The following CAMK1D variants were observed in gnomAD, a reference collection of about 807,000 sequenced individuals.
CAMK1D encodes the protein calcium/calmodulin dependent protein kinase ID, also known as calcium/calmodulin-dependent protein kinase type 1D.
In CAMK1D, 9 loss-of-function variants were observed where a neutral mutation model predicts 47.7. The observed-to-expected ratio is 0.19, with a 90% CI of 0.11 to 0.33. The LOEUF is 0.33. CAMK1D is among the 10% of genes least tolerant of loss of function. The probability of loss-of-function intolerance (pLI) is 1.00; values close to 1 mark genes in which losing one functional copy is unlikely to be tolerated. For synonymous variants in CAMK1D, 184 were observed against 184.9 expected (o/e 0.99, Z 0.04); for missense variants, 291 against 488.7 (o/e 0.60, Z 3.81).
At chr10:12,440,247 C>G (rs1487896290) in intron 1 of CAMK1D, among the ~76,000 whole-genome samples, 1 of 150,814 alleles carries the variant, frequency 6.6e-6, no homozygotes, top group East Asian at 1.9e-4. Context: ...AACAGTAGGT[C>G]TTTTTCCTGC....
intron 3 of CAMK1D, among the ~76,000 whole-genome samples, chr10:12,697,934 G>A (rs1010624171): frequency 3.3e-5 from 5 of 152,102 alleles, no homozygotes; most frequent in African/African-American, 1.2e-4. Context: ...AATGGCTCTT[G>A]TAATTTTCAG....
At chr10:12,812,592 G>T (rs1832650182) in intron 6 of CAMK1D, among the ~76,000 whole-genome samples, 1 of 152,120 alleles carries the variant, frequency 6.6e-6, no homozygotes, top group South Asian at 2.1e-4. Flanking sequence ...CTCCAGCCTG[G>T]GTGACAGAGG....
At chr10:12,719,075 A>G (rs190235497) in intron 3 of CAMK1D, among the ~76,000 whole-genome samples, 3 of 152,278 alleles carry the variant, frequency 2.0e-5, no homozygotes, top group Admixed American at 2.0e-4. Flanking sequence ...CAATTACACG[A>G]TTTTTGACCG....
At chr10:12,512,179 A>G (rs1009565571) in intron 1 of CAMK1D, among the ~76,000 whole-genome samples, 7 of 152,214 alleles carry the variant, frequency 4.6e-5, no homozygotes, top group African/African-American at 7.2e-5. Flanking sequence ...GAGAGCACAA[A>G]TAAGTATCAA....
intron 1 of CAMK1D, among the ~76,000 whole-genome samples, chr10:12,535,148 G>C (rs909431537): frequency 6.6e-6 from 1 of 152,144 alleles, no homozygotes; most frequent in Non-Finnish European, 1.5e-5. Flanking sequence ...GTATGCGCCT[G>C]CTTGCTTTTC....
chr10:12,709,037 G>A (rs1564509642), intron 3 of CAMK1D, among the ~76,000 whole-genome samples: 1 of 152,314 alleles, frequency 6.6e-6, no homozygotes, highest in South Asian at 2.1e-4. Context: ...GGAGTGGGGG[G>A]CACAGATCTT....
chr10:12,374,671 A>G (rs972912961), intron 1 of CAMK1D, among the ~76,000 whole-genome samples: 12 of 152,086 alleles, frequency 7.9e-5, no homozygotes, highest in African/African-American at 2.7e-4. Flanking sequence ...GACCGGGCGC[A>G]TTGGCTCATG....
intron 1 of CAMK1D, among the ~76,000 whole-genome samples, chr10:12,505,859 TTCCTCCTCC>T (rs140049789): frequency 2.8e-4 from 43 of 151,354 alleles, no homozygotes; most frequent in Non-Finnish European, 1.5e-4. Flanking sequence ...AGCTGTCATC[TTCCTCCTCC>T]TCCTCCTCCT....
At chr10:12,511,036 C>T (rs866434660) in intron 1 of CAMK1D, among the ~76,000 whole-genome samples, 15 of 152,182 alleles carry the variant, frequency 9.9e-5, no homozygotes, top group Non-Finnish European at 1.6e-4. Context: ...AGCACTTACA[C>T]GGGATGCGGA....
intron 2 of CAMK1D, among the ~76,000 whole-genome samples, chr10:12,638,760 C>A (rs1217759142): frequency 6.6e-6 from 1 of 152,230 alleles, no homozygotes; most frequent in Non-Finnish European, 1.5e-5. Flanking sequence ...GCAGCCCCAC[C>A]TGTCTGCCCC....
At chr10:12,447,184 G>A (rs1832948834) in intron 1 of CAMK1D, among the ~76,000 whole-genome samples, 1 of 152,060 alleles carries the variant, frequency 6.6e-6, no homozygotes, top group Admixed American at 6.6e-5. Flanking sequence ...ACTTTCAAGA[G>A]GTAATTAAAT....
At chr10:12,393,027 C>CTT (rs542625511) in intron 1 of CAMK1D, among the ~76,000 whole-genome samples, 72 of 143,818 alleles carry the variant, frequency 5.0e-4, no homozygotes, top group South Asian at 1.1e-3. Flanking sequence ...TGAAACATAA[C>CTT]TTTTTTTTTT....
At chr10:12,699,382 G>A (rs1252402938) in intron 3 of CAMK1D, among the ~76,000 whole-genome samples, 1 of 152,002 alleles carries the variant, frequency 6.6e-6, no homozygotes, top group East Asian at 1.9e-4. Context: ...GCGTTGTACT[G>A]GGAAAGCCGT....
chr10:12,827,289 TTC>T (rs1381516060), intron 10 of CAMK1D, among the ~76,000 whole-genome samples: 4 of 114,348 alleles, frequency 3.5e-5, no homozygotes, highest in Admixed American at 9.0e-5. Context: ...TTCTTTTTCT[TTC>T]TTTCTTTCTC....
At chr10:12,695,835 T>C (rs1250388382) in intron 3 of CAMK1D, among the ~76,000 whole-genome samples, 3 of 152,112 alleles carry the variant, frequency 2.0e-5, no homozygotes, top group Non-Finnish European at 2.9e-5. Context: ...TCCCAGCACT[T>C]TGGCAGGCCG....
At chr10:12,744,793 C>T (rs1835589777) in intron 3 of CAMK1D, among the ~76,000 whole-genome samples, 1 of 151,690 alleles carries the variant, frequency 6.6e-6, no homozygotes. Flanking sequence ...CCCAGCTACT[C>T]ACGAGGATAA....
At chr10:12,394,000 T>G (rs1015157436) in intron 1 of CAMK1D, among the ~76,000 whole-genome samples, 1 of 152,148 alleles carries the variant, frequency 6.6e-6, no homozygotes, top group Non-Finnish European at 1.5e-5. Context: ...ACAAGACCGC[T>G]CCCGACACCC....
chr10:12,568,972 T>C (rs1394036395), intron 2 of CAMK1D, among the ~76,000 whole-genome samples: 2 of 151,780 alleles, frequency 1.3e-5, no homozygotes, highest in Non-Finnish European at 2.9e-5. Context: ...AGTGGGAAAG[T>C]TTTTTTTTCT....
At chr10:12,396,007 G>A (rs1294673688) in intron 1 of CAMK1D, among the ~76,000 whole-genome samples, 1 of 151,922 alleles carries the variant, frequency 6.6e-6, no homozygotes, top group Admixed American at 6.6e-5. Flanking sequence ...CCGAGTAGCT[G>A]GGATTACAGG....
Sources: gnomAD v4.1 joint callset for allele counts (sites outside exome capture counted in the v4.1 genomes callset) on GRCh38, gnomAD v4.1.1 for gene constraint, MANE v1.5 for transcripts, NCBI Gene and HGNC (gene_info 2026-07-23, HGNC 2026-07-21) for gene names.